The following POU6F2 variants were observed in gnomAD, a reference collection of about 807,000 sequenced individuals.
POU6F2 encodes the protein POU class 6 homeobox 2, also known as POU domain, class 6, transcription factor 2.
In POU6F2, 31 loss-of-function variants were observed where a neutral mutation model predicts 71.3. The ratio of observed to expected loss-of-function variants is 0.43; its 90% confidence interval spans 0.33 to 0.59. The LOEUF (loss-of-function observed/expected upper bound fraction) is 0.59. Among genes scored for constraint, POU6F2 ranks in the 20% least tolerant of loss-of-function variants. POU6F2 has a pLI of 0.04. For missense variants in POU6F2, 783 were observed against 856.8 expected (o/e 0.91, Z 1.07); for synonymous variants, 347 against 355.7 (o/e 0.98, Z 0.27).
rs186386398 is a variant in POU6F2, at chr7:39,028,005, G to C, written c.105+49947G>C. Among the ~76,000 whole-genome samples the C allele has an allele frequency of 3.3e-5, 5 of 152,170 alleles. No individual in the cohort carries two copies. The East Asian group carries it at 9.6e-4, about 29-fold the overall frequency. On this transcript the variant is annotated intron_variant, in intron 1 of 9. Coordinates refer to ENST00000518318, the MANE Select transcript of POU6F2 (RefSeq NM_001370959.1). ...TGATCCATATACTTTCCAAGACTTGGTATAACCCAATTATTAATTTTTCCA... is the reference window on the plus strand; with the variant it reads ...TGATCCATATACTTTCCAAGACTTGCTATAACCCAATTATTAATTTTTCCA...
At chr7:39,128,563 C>CT (rs1330431005) in intron 2 of POU6F2, among the ~76,000 whole-genome samples, 76 of 152,268 alleles carry the variant, frequency 5.0e-4, no homozygotes, top group African/African-American at 1.8e-3. Flanking sequence ...GATGTTTGGA[C>CT]TTTTTGGTGT....
chr7:39,382,466 G>A (rs781072722), intron 5 of POU6F2, among the ~76,000 whole-genome samples: 2 of 152,174 alleles, frequency 1.3e-5, no homozygotes, highest in African/African-American at 2.4e-5. Flanking sequence ...GGGTGAGGCA[G>A]GCAACTGGAA....
At chr7:39,257,217 C>A (rs1190538738) in intron 4 of POU6F2, among the ~76,000 whole-genome samples, 1 of 152,174 alleles carries the variant, frequency 6.6e-6, no homozygotes, top group Non-Finnish European at 1.5e-5. Context: ...GACTTTGAGA[C>A]TTTCCACTTT....
chr7:39,003,989 G>GT (rs750454325), intron 1 of POU6F2, among the ~76,000 whole-genome samples: 228 of 151,978 alleles, frequency 1.5e-3, no homozygotes, highest in African/African-American at 4.2e-3. Context: ...GGAGAATCAT[G>GT]TTTTTTTTAA....
Position 39,467,190 on chromosome 7 carries a change from A to G in POU6F2, c.*2504A>G, listed in dbSNP as rs964959249. Reference sequence around the variant, plus strand: ...GCAGTGATTTTTTTATAGTTTTATAATTTTGTATTGTTTTATAAATTATTT... The same window carrying G: ...GCAGTGATTTTTTTATAGTTTTATAGTTTTGTATTGTTTTATAAATTATTT... On this transcript the variant is annotated 3_prime_UTR_variant, in exon 10 of 10. Coordinates refer to ENST00000518318, the MANE Select transcript of POU6F2 (RefSeq NM_001370959.1). The G allele has an allele frequency of 6.6e-6, 1 of 152,168 alleles. No homozygotes were observed. The highest frequency in any genetic ancestry group is 1.5e-5 in the Non-Finnish European group (1 of 68,022). 9.4% of individuals were successfully genotyped at this position (152,168 alleles called of 1,614,324 possible).
chr7:39,152,476 G>T (rs942359988), intron 2 of POU6F2, among the ~76,000 whole-genome samples: 1 of 152,170 alleles, frequency 6.6e-6, no homozygotes, highest in African/African-American at 2.4e-5. Flanking sequence ...GTATTAAGAG[G>T]TTTCCCATAC....
intron 1 of POU6F2, among the ~76,000 whole-genome samples, chr7:38,992,800 A>T (rs1442977714): frequency 2.0e-5 from 3 of 152,178 alleles, no homozygotes; most frequent in Admixed American, 2.0e-4. Context: ...GTTACTATTC[A>T]CTTTAGCAAT....
At chr7:39,087,768 G>T (rs936621319) in intron 2 of POU6F2, among the ~76,000 whole-genome samples, 1 of 152,142 alleles carries the variant, frequency 6.6e-6, no homozygotes, top group African/African-American at 2.4e-5. Flanking sequence ...GGATTTTGTA[G>T]ACTTGAGCTT....
At chr7:39,117,744 G>A (rs1791961337) in intron 2 of POU6F2, among the ~76,000 whole-genome samples, 2 of 152,136 alleles carry the variant, frequency 1.3e-5, no homozygotes, top group Non-Finnish European at 2.9e-5. Context: ...AAGAGGACTG[G>A]TTGAAAACCT....
At chr7:39,010,381 AT>A (rs1789236602) in intron 1 of POU6F2, among the ~76,000 whole-genome samples, 1 of 148,632 alleles carries the variant, frequency 6.7e-6, no homozygotes, top group Admixed American at 6.7e-5. Context: ...CCCCTTTATC[AT>A]TTTTTATTGC....
At chr7:39,258,943 G>A (rs140342691) in intron 4 of POU6F2, among the ~76,000 whole-genome samples, 109 of 152,294 alleles carry the variant, frequency 7.2e-4, no homozygotes, top group East Asian at 6.9e-3. Context: ...CCAGTATAAC[G>A]TAGCGTTCTG....
intron 2 of POU6F2, among the ~76,000 whole-genome samples, chr7:39,094,064 T>C (rs1791407372): frequency 6.6e-6 from 1 of 152,136 alleles, no homozygotes; most frequent in Admixed American, 6.6e-5. Context: ...ATTTAAAAAA[T>C]AGTTCCCTGA....
In POU6F2 at chr7:38,993,611, AACACACAC is replaced by A. The variant is rs10553247; in HGVS notation, c.105+15583_105+15590del. On this transcript the variant is annotated intron_variant, in intron 1 of 9. Transcript: ENST00000518318. ...CTGATATTTGAATTGCAGGATTTTA[AACACACAC>A]ACACACACACACACACACACACACA... is the stretch of plus-strand genomic sequence containing the variant. Among the ~76,000 whole-genome samples the A allele has an allele frequency of 3.9e-4, 51 of 130,596 alleles. 1 individual carries two copies. The highest frequency in any genetic ancestry group is 4.0e-3 in the Middle Eastern group (1 of 250). The allele number at this position is 130,596 out of a possible 152,430, so 85.7% of individuals were successfully genotyped here. A position where few individuals can be genotyped will look rare whatever the true frequency, so the allele number is the denominator to read the frequency against.
intron 1 of POU6F2, among the ~76,000 whole-genome samples, chr7:38,980,803 A>G (rs1208978327): frequency 6.6e-6 from 1 of 152,164 alleles, no homozygotes; most frequent in Admixed American, 6.5e-5. Flanking sequence ...ATTCCCATGA[A>G]GTATGAGCTT....
At chr7:39,404,753 C>T (rs887199163) in intron 5 of POU6F2, 1 of 151,718 alleles carries the variant, frequency 6.6e-6, no homozygotes, top group Non-Finnish European at 1.5e-5. Flanking sequence ...ACCGGCAGTT[C>T]GGAGACAGTA....
At chr7:39,150,225 C>G (rs3138794) in intron 2 of POU6F2, among the ~76,000 whole-genome samples, 4 of 141,160 alleles carry the variant, frequency 2.8e-5, no homozygotes, top group African/African-American at 5.4e-5. Context: ...AGTAATATGT[C>G]TGTGTGTGTG....
At chr7:39,274,706 T>G (rs1784403950) in intron 4 of POU6F2, among the ~76,000 whole-genome samples, 2 of 102,708 alleles carry the variant, frequency 1.9e-5, no homozygotes, top group African/African-American at 7.4e-5. Context: ...TCCACCATGA[T>G]CAAGTGGGCT....
At chr7:39,323,781 A>C (rs1195874551) in intron 4 of POU6F2, among the ~76,000 whole-genome samples, 3 of 150,710 alleles carry the variant, frequency 2.0e-5, no homozygotes, top group Non-Finnish European at 4.4e-5. Flanking sequence ...AGAGAGAGAG[A>C]GTGAGGAAGG....
At chr7:39,222,261 T>C (rs558396064) in intron 4 of POU6F2, among the ~76,000 whole-genome samples, 1 of 152,322 alleles carries the variant, frequency 6.6e-6, no homozygotes, top group Admixed American at 6.5e-5. Flanking sequence ...GAAAAAAAAT[T>C]AAATGAACTA....
Sources: gnomAD v4.1 joint callset for allele counts (sites outside exome capture counted in the v4.1 genomes callset) on GRCh38, gnomAD v4.1.1 for gene constraint, MANE v1.5 for transcripts, NCBI Gene and HGNC (gene_info 2026-07-23, HGNC 2026-07-21) for gene names.